The following GNG7 variants were observed in gnomAD, a reference collection of about 807,000 sequenced individuals.
GNG7 encodes guanine nucleotide-binding protein G(I)/G(S)/G(O) subunit gamma-7.
A neutral mutation model predicts 4.0 loss-of-function variants in GNG7; 1 was observed. That is an observed-to-expected ratio of 0.25 (90% CI 0.09 to 1.18). The LOEUF is 1.18. Ranked by LOEUF, GNG7 falls within the 50% of genes most tolerant of loss-of-function variation. GNG7 has a pLI of 0.50. For missense variants in GNG7, 86 were observed against 91.9 expected, an observed-to-expected ratio of 0.94 and a Z score of 0.26; for synonymous variants, 34 against 36.9, an observed-to-expected ratio of 0.92 and a Z score of 0.29.
intron 3 of GNG7, among the ~76,000 whole-genome samples, chr19:2,539,865 CTTCT>C (rs1260546471): frequency 2.8e-5 from 4 of 140,922 alleles, no homozygotes; most frequent in South Asian, 2.5e-4. Flanking sequence ...TCCCTCCCTT[CTTCT>C]TTCTCTCTCC....
rs894736742 is a variant in GNG7 at position 2,557,952 on chromosome 19, C to T, written c.-77-2764G>A. ...TGCCTCCTGGGTACAAGCGACTCTCCTGCCTCAGCCTCTCAAGTAGCTGGG... is the reference window on the plus strand; with the variant it reads ...TGCCTCCTGGGTACAAGCGACTCTCTTGCCTCAGCCTCTCAAGTAGCTGGG... On this transcript the variant is annotated intron_variant, in intron 2 of 4. Transcript: ENST00000382159. The surrounding 1 kb of genome is among the most constrained non-coding windows in gnomAD (Gnocchi z 5.1). Among the ~76,000 whole-genome samples, 1 of 152,106 alleles carries T rather than the reference C, an allele frequency of 6.6e-6. No homozygotes were observed. The highest frequency in any genetic ancestry group is 1.5e-5 in the Non-Finnish European group (1 of 68,020).
chr19:2,630,327 T>C (rs8102144), intron 2 of GNG7, among the ~76,000 whole-genome samples: 9,160 of 152,096 alleles, frequency 0.06, 922 homozygotes, highest in African/African-American at 0.21. Flanking sequence ...GTGGACATGA[T>C]GAGATATCAC....
chr19:2,623,107 C>A (rs1981927006), intron 2 of GNG7, among the ~76,000 whole-genome samples: 1 of 152,198 alleles, frequency 6.6e-6, no homozygotes, highest in Non-Finnish European at 1.5e-5. Context: ...TAGTATCAAA[C>A]CCAGAACAAA....
At chr19:2,592,890 A>G (rs1203864748) in intron 2 of GNG7, among the ~76,000 whole-genome samples, 1 of 143,152 alleles carries the variant, frequency 7.0e-6, no homozygotes, top group Non-Finnish European at 1.5e-5. Context: ...GAAAGAAGAA[A>G]ACGAAGGAAG....
Position 2,611,112 on chromosome 19 carries a change from C to A in GNG7, c.-78+35112G>T, listed in dbSNP as rs1337226178. ...TTTCTGGGAAGTGGGCCCCTCGCACCGGGTGCGGCGCCCAGGGTTCCCCGC... is the reference window on the plus strand; with the variant it reads ...TTTCTGGGAAGTGGGCCCCTCGCACAGGGTGCGGCGCCCAGGGTTCCCCGC... On this transcript the variant is annotated intron_variant, in intron 2 of 4. Coordinates refer to ENST00000382159, the MANE Select transcript of GNG7 (RefSeq NM_052847.3). The surrounding 1 kb of genome is among the most constrained non-coding windows in gnomAD (Gnocchi z 6.0). 6.6e-6 allele frequency: 1 copy of A among 152,182 alleles called. No homozygotes were observed. The highest frequency in any genetic ancestry group is 1.5e-5 in the Non-Finnish European group (1 of 68,064). 9.4% of individuals were successfully genotyped at this position (152,182 alleles called of 1,614,324 possible). A position where few individuals can be genotyped will look rare whatever the true frequency, so the allele number is the denominator to read the frequency against.
At chr19:2,568,550 T>TAC (rs1980026463) in intron 2 of GNG7, among the ~76,000 whole-genome samples, 1 of 146,998 alleles carries the variant, frequency 6.8e-6, no homozygotes, top group African/African-American at 2.6e-5. Context: ...CATACACATA[T>TAC]ATATACACAC....
chr19:2,585,285 A>C (rs1430601871), intron 2 of GNG7, among the ~76,000 whole-genome samples: 1 of 152,210 alleles, frequency 6.6e-6, no homozygotes, highest in African/African-American at 2.4e-5. Context: ...ATAACTGCAT[A>C]ATAATATATC....
rs1491425680 is a variant in GNG7, at chr19:2,661,277, A to AGGAAGGAAGGAAGGAAG, written c.-134-14998_-134-14997insCTTCCTTCCTTCCTTCC. Among the ~76,000 whole-genome samples the AGGAAGGAAGGAAGGAAG allele has an allele frequency of 9.8e-4, 59 of 60,480 alleles. 1 individual carries two copies. Among genetic ancestry groups the AGGAAGGAAGGAAGGAAG allele is most frequent in the Non-Finnish European group, 1.3e-3 (44 of 32,756 alleles). The allele number at this position is 60,480 out of a possible 152,430, so 39.7% of individuals were successfully genotyped here. ...AGAAAGAAAGAAAGAAAGAAAAGAA[A>AGGAAGGAAGGAAGGAAG]GAAAGAAAGAAAGAAAGAAAGAAAG... On this transcript the variant is annotated intron_variant, in intron 1 of 4. Transcript: ENST00000382159.
intron 2 of GNG7, among the ~76,000 whole-genome samples, chr19:2,577,700 CAAA>C (rs58623953): frequency 0.022 from 2,366 of 108,278 alleles, 17 homozygotes; most frequent in Non-Finnish European, 0.03. Flanking sequence ...GATTCCATCT[CAAA>C]AAAAAAAAAA....
chr19:2,626,483 A>C lies in GNG7; in HGVS notation c.-78+19741T>G, dbSNP rs1799583503. ...GCAGCCTCTGCCGTGCGGCCTCCTCACTCCCTCCCTCTCACCTTTTCAAGG... is the reference window on the plus strand; with the variant it reads ...GCAGCCTCTGCCGTGCGGCCTCCTCCCTCCCTCCCTCTCACCTTTTCAAGG... On this transcript the variant is annotated intron_variant, in intron 2 of 4. Transcript: ENST00000382159. The surrounding 1 kb of genome is among the most constrained non-coding windows in gnomAD (Gnocchi z 5.0). Among the ~76,000 whole-genome samples, 1 of 150,060 alleles carries C rather than the reference A, an allele frequency of 6.7e-6. No homozygotes were observed.
chr19:2,527,111 T>C (rs1978429581), intron 3 of GNG7, among the ~76,000 whole-genome samples: 1 of 152,236 alleles, frequency 6.6e-6, no homozygotes, highest in South Asian at 2.1e-4. Flanking sequence ...CCCAAAGTGC[T>C]GGGATTACAG....
At position 2,557,698 on chromosome 19, in the gene GNG7, G is replaced by C. The variant is rs1234273766; in HGVS notation, c.-77-2510C>G. The stretch of plus-strand genomic sequence containing the variant: ...GATCCATAAAATCAGGACAGTGACC[G>C]AGGATGCTGGGGCCACCTCACCTGC... On this transcript the variant is annotated intron_variant, in intron 2 of 4. Coordinates refer to ENST00000382159, the MANE Select transcript of GNG7 (RefSeq NM_052847.3). The surrounding 1 kb of genome is among the most constrained non-coding windows in gnomAD (Gnocchi z 5.1). 6.6e-6 allele frequency among the ~76,000 whole-genome samples: 1 copy of C among 152,122 alleles called. No homozygotes were observed.
intron 2 of GNG7, among the ~76,000 whole-genome samples, chr19:2,560,215 C>T (rs1481711091): frequency 1.3e-5 from 2 of 152,194 alleles, no homozygotes; most frequent in Admixed American, 1.3e-4. Context: ...TTCGCAAATA[C>T]GGACTCCGTG....
chr19:2,686,942 C>T (rs11878292), intron 1 of GNG7, among the ~76,000 whole-genome samples: 1,838 of 151,726 alleles, frequency 0.012, 35 homozygotes, highest in African/African-American at 0.042. Flanking sequence ...TTAGTAGAGA[C>T]GGGGTTTCAC....
chr19:2,551,590 C>CAAATATATATTTATAAATATGT lies in GNG7; in HGVS notation c.-38+3558_-38+3559insACATATTTATAAATATATATTT, dbSNP rs1568240124. On this transcript the variant is annotated intron_variant, in intron 3 of 4. Coordinates refer to ENST00000382159, the MANE Select transcript of GNG7 (RefSeq NM_052847.3). Reference sequence around the variant, plus strand: ...CTATTATCTATAATATATAAATATGCATTTATAAATATATAAACAAATATA... The same window carrying CAAATATATATTTATAAATATGT: ...CTATTATCTATAATATATAAATATGCAAATATATATTTATAAATATGTATTTATAAATATATAAACAAATATA... 6.2e-3 allele frequency among the ~76,000 whole-genome samples: 763 copies of CAAATATATATTTATAAATATGT among 122,438 alleles called. 95 individuals are homozygous for CAAATATATATTTATAAATATGT. Among genetic ancestry groups the CAAATATATATTTATAAATATGT allele is most frequent in the East Asian group, 0.036 (125 of 3,446 alleles). The allele number at this position is 122,438 out of a possible 152,430, so 80.3% of individuals were successfully genotyped here.
chr19:2,635,138 G>C (rs766612539), intron 2 of GNG7, among the ~76,000 whole-genome samples: 30 of 152,192 alleles, frequency 2.0e-4, no homozygotes, highest in Non-Finnish European at 3.7e-4. Flanking sequence ...TCCATGCCAG[G>C]GGCACCCCCC....
At chr19:2,541,140 G>A (rs941212019) in intron 3 of GNG7, among the ~76,000 whole-genome samples, 5 of 152,186 alleles carry the variant, frequency 3.3e-5, no homozygotes, top group Non-Finnish European at 5.9e-5. Flanking sequence ...TTCCTCCATC[G>A]GCAGGGAAGG....
chr19:2,598,861 A>G (rs1981115121), intron 2 of GNG7, among the ~76,000 whole-genome samples: 1 of 149,062 alleles, frequency 6.7e-6, no homozygotes, highest in Non-Finnish European at 1.5e-5. Flanking sequence ...AAAGCTTATG[A>G]AACACTGACT....
Position 2,518,227 on chromosome 19 carries a change from C to T in GNG7, c.81+2381G>A, listed in dbSNP as rs1336105459. ...CCTCAGGCGGGACTGGGAGTGGGGA[C>T]GGGTCAAATCCTGGCTCCCCCCGAG... On this transcript the variant is annotated intron_variant, in intron 4 of 4. Coordinates refer to ENST00000382159, the MANE Select transcript of GNG7 (RefSeq NM_052847.3). 2.4e-5 allele frequency among the ~76,000 whole-genome samples: 3 copies of T among 124,772 alleles called. No homozygotes were observed. The South Asian group carries it at 8.1e-4, about 34-fold the overall frequency. The allele number at this position is 124,772 out of a possible 152,430, so 81.9% of individuals were successfully genotyped here.
Sources: gnomAD v4.1 joint callset for allele counts (sites outside exome capture counted in the v4.1 genomes callset) on GRCh38, gnomAD v4.1.1 for gene constraint, Gnocchi (gnomAD v3.1) non-coding constraint, MANE v1.5 for transcripts, NCBI Gene and HGNC (gene_info 2026-07-23, HGNC 2026-07-21) for gene names.